RANBP17: variants seen among roughly 807,000 people sequenced by gnomAD.
RANBP17 encodes RAN binding protein 17, also known as ran-binding protein 17.
In RANBP17, 158 loss-of-function variants were observed where a neutral mutation model predicts 141.2. The observed-to-expected ratio is 1.12, with a 90% CI of 0.98 to 1.28. The LOEUF (loss-of-function observed/expected upper bound fraction) is 1.28, where lower values mean the gene tolerates loss of function less well. Among genes scored for constraint, RANBP17 ranks in the 50% most tolerant of loss-of-function variants. The pLI, the probability that RANBP17 is intolerant of heterozygous loss-of-function variation, is 0.00. For missense variants in RANBP17, 1,438 were observed against 1,290.7 expected, an observed-to-expected ratio of 1.11 and a Z score of -1.75; for synonymous variants, 430 against 450.0, an observed-to-expected ratio of 0.96 and a Z score of 0.56.
chr5:171,037,876 T>C (rs1405287181), intron 14 of RANBP17, among the ~76,000 whole-genome samples: 2 of 152,198 alleles, frequency 1.3e-5, no homozygotes, highest in Non-Finnish European at 2.9e-5. Flanking sequence ...AGATTTGTTC[T>C]TTTTGTTCAG....
chr5:171,205,922 A>T, intron 20 of RANBP17: 1 of 418,186 alleles, frequency 2.4e-6, no homozygotes, highest in Non-Finnish European at 4.5e-6. Flanking sequence ...GGATCAATGA[A>T]TCCTACCATT....
At chr5:171,279,327 T>C (rs1767710716) in intron 25 of RANBP17, among the ~76,000 whole-genome samples, 1 of 152,190 alleles carries the variant, frequency 6.6e-6, no homozygotes, top group South Asian at 2.1e-4. Flanking sequence ...GAGTAATATG[T>C]AATGAACAGA....
intron 3 of RANBP17, among the ~76,000 whole-genome samples, chr5:170,882,191 C>T (rs1195700373): frequency 6.6e-6 from 1 of 152,174 alleles, no homozygotes; most frequent in Non-Finnish European, 1.5e-5. Flanking sequence ...TAGCAATTCT[C>T]CTGCCTCAGC....
chr5:171,124,635 C>T (rs1250230739), intron 14 of RANBP17, among the ~76,000 whole-genome samples: 1 of 151,812 alleles, frequency 6.6e-6, no homozygotes, highest in Non-Finnish European at 1.5e-5. Flanking sequence ...GTTCAGTTAA[C>T]ATATAAGGGA....
chr5:170,880,510 G>T (rs990024898), intron 2 of RANBP17, among the ~76,000 whole-genome samples: 1 of 152,146 alleles, frequency 6.6e-6, no homozygotes, highest in Non-Finnish European at 1.5e-5. Flanking sequence ...GAGCCACTTG[G>T]AAACTTTGGT....
At chr5:171,253,022 A>G in intron 24 of RANBP17, 1 of 1,099,262 alleles carries the variant, frequency 9.1e-7, no homozygotes, top group Non-Finnish European at 1.4e-6. Flanking sequence ...TTTCTGCCGC[A>G]TTTCTTCTCT....
At chr5:171,150,324 A>G (rs1269466260) in intron 14 of RANBP17, among the ~76,000 whole-genome samples, 1 of 152,086 alleles carries the variant, frequency 6.6e-6, no homozygotes, top group Non-Finnish European at 1.5e-5. Context: ...CTTAGAAATC[A>G]AAGTTTAAAT....
At chr5:170,994,467 C>T (rs183543168) in intron 14 of RANBP17, among the ~76,000 whole-genome samples, 100 of 152,016 alleles carry the variant, frequency 6.6e-4, no homozygotes, top group Middle Eastern at 6.8e-3. Context: ...CTGGATCATA[C>T]GTGAAAAGGT....
At chr5:171,291,941 C>T (rs947487035) in intron 25 of RANBP17, among the ~76,000 whole-genome samples, 1 of 152,158 alleles carries the variant, frequency 6.6e-6, no homozygotes, top group African/African-American at 2.4e-5. Context: ...ACAGGAGAAC[C>T]ATATAAAGTA....
chr5:171,150,225 C>T (rs1213171976), intron 14 of RANBP17, among the ~76,000 whole-genome samples: 1 of 151,756 alleles, frequency 6.6e-6, no homozygotes, highest in African/African-American at 2.4e-5. Context: ...CCCATTTAAT[C>T]CTCCAGAGAA....
At chr5:171,083,035 T>C (rs1295112879) in intron 14 of RANBP17, among the ~76,000 whole-genome samples, 1 of 152,200 alleles carries the variant, frequency 6.6e-6, no homozygotes, top group Non-Finnish European at 1.5e-5. Context: ...GAAAGACGGC[T>C]TTTCAGAATA....
intron 21 of RANBP17, 97 bp downstream of exon 21, chr5:171,213,835 G>A: frequency 1.1e-6 from 1 of 890,518 alleles, no homozygotes; most frequent in Non-Finnish European, 1.9e-6. Context: ...TTCCAAGGTA[G>A]TTAGCAAGAG....
chr5:171,155,455 AAAG>A (rs966343194), intron 14 of RANBP17, among the ~76,000 whole-genome samples: 13 of 152,150 alleles, frequency 8.5e-5, no homozygotes, highest in African/African-American at 2.7e-4. Flanking sequence ...TACTATTAAA[AAAG>A]AAGCAAAAAT....
intron 12 of RANBP17, among the ~76,000 whole-genome samples, chr5:170,951,941 A>G (rs569467759): frequency 3.4e-4 from 51 of 152,214 alleles, no homozygotes; most frequent in African/African-American, 1.1e-3. Flanking sequence ...GATAATTGCA[A>G]TAAGAAGGGA....
intron 25 of RANBP17, among the ~76,000 whole-genome samples, chr5:171,287,606 C>T (rs923857113): frequency 1.3e-5 from 2 of 151,844 alleles, no homozygotes; most frequent in South Asian, 2.1e-4. Flanking sequence ...CCCCAGTCCC[C>T]ACCCCCTATC....
At chr5:171,287,571 C>A (rs1237929654) in intron 25 of RANBP17, among the ~76,000 whole-genome samples, 1 of 145,104 alleles carries the variant, frequency 6.9e-6, no homozygotes, top group Non-Finnish European at 1.5e-5. Flanking sequence ...TCTGATCATC[C>A]TTTTTTTTTT....
In RANBP17 at chr5:170,959,900, C is replaced by A. The variant is rs74291515; in HGVS notation, c.1574+6198C>A. On this transcript the variant is annotated intron_variant, in intron 13 of 27. Coordinates refer to ENST00000523189, the MANE Select transcript of RANBP17 (RefSeq NM_022897.5). Reference sequence around the variant, plus strand: ...CTTACTCTCTCAGGGATGGCAGAGGCGCAAGAAAATTTGCATATAAGTGGA... The same window carrying A: ...CTTACTCTCTCAGGGATGGCAGAGGAGCAAGAAAATTTGCATATAAGTGGA... Among the ~76,000 whole-genome samples, 10 of 152,248 alleles carry A rather than the reference C, an allele frequency of 6.6e-5. No individual in the cohort carries two copies. The East Asian group carries it at 1.4e-3, about 21-fold the overall frequency.
At chr5:171,171,874 A>C (rs1760124386) in intron 16 of RANBP17, among the ~76,000 whole-genome samples, 1 of 151,954 alleles carries the variant, frequency 6.6e-6, no homozygotes, top group Admixed American at 6.6e-5. Flanking sequence ...TTATACATTA[A>C]ATGTTTAGAT....
At chr5:170,996,138 A>C (rs1425463932) in intron 14 of RANBP17, among the ~76,000 whole-genome samples, 2 of 152,186 alleles carry the variant, frequency 1.3e-5, no homozygotes, top group Admixed American at 1.3e-4. Flanking sequence ...CTCATGGAAA[A>C]ATGATAATCT....
Sources: allele counts gnomAD v4.1 joint callset (sites outside exome capture counted in the v4.1 genomes callset), GRCh38; gene constraint gnomAD v4.1.1; transcripts MANE v1.5; gene names NCBI Gene and HGNC (gene_info 2026-07-23, HGNC 2026-07-21).